Variants in VAC14 observed in about 807,000 individuals in gnomAD.
VAC14 encodes the protein protein VAC14 homolog.
In VAC14, 47 loss-of-function variants were observed where a neutral mutation model predicts 85.3. The ratio of observed to expected loss-of-function variants is 0.55; its 90% CI spans 0.44 to 0.70. The LOEUF is 0.70. Among genes scored for constraint, VAC14 ranks in the 30% least tolerant of loss-of-function variants. The pLI, the probability that VAC14 is intolerant of heterozygous loss-of-function variation, is 0.00. For missense variants in VAC14, 861 were observed against 1,004.3 expected (o/e 0.86, Z 1.93); for synonymous variants, 447 against 430.5 (o/e 1.04, Z -0.47).
intron 10 of VAC14, among the ~76,000 whole-genome samples, chr16:70,767,526 T>A (rs1428843190): frequency 6.6e-6 from 1 of 152,242 alleles, no homozygotes; most frequent in Non-Finnish European, 1.5e-5. Context: ...GAAGACATCA[T>A]GACCCTTGGC....
chr16:70,728,347 A>C (rs1218729514), intron 14 of VAC14, among the ~76,000 whole-genome samples: 1 of 152,180 alleles, frequency 6.6e-6, no homozygotes, highest in East Asian at 1.9e-4. Context: ...CTGCACTCCC[A>C]CACAGAAGGG....
intron 12 of VAC14, among the ~76,000 whole-genome samples, chr16:70,744,872 G>A (rs759594888): frequency 1.3e-5 from 2 of 152,226 alleles, no homozygotes; most frequent in African/African-American, 4.8e-5. Context: ...CGGGTCCCTT[G>A]AACAGGGCTC....
At chr16:70,733,512 T>G (rs1426776805) in intron 13 of VAC14, among the ~76,000 whole-genome samples, 1 of 152,044 alleles carries the variant, frequency 6.6e-6, no homozygotes, top group Non-Finnish European at 1.5e-5. Context: ...AAGTGGGGCC[T>G]GGTGGGAGGT....
At chr16:70,760,889 C>T (rs929342970) in intron 12 of VAC14, among the ~76,000 whole-genome samples, 1 of 151,826 alleles carries the variant, frequency 6.6e-6, no homozygotes, top group Admixed American at 6.6e-5. Flanking sequence ...CAGTGAGTCA[C>T]TCCCAACTCG....
At chr16:70,780,756 CAGG>C in intron 9 of VAC14, 31 bp downstream of exon 9, 1 of 1,539,106 alleles carries the variant, frequency 6.5e-7, no homozygotes, top group Non-Finnish European at 8.8e-7. Flanking sequence ...GGGCCCCCGA[CAGG>C]AGGTGAGGTG....
chr16:70,704,947 C>T (rs1220384865), intron 14 of VAC14, among the ~76,000 whole-genome samples: 1 of 152,208 alleles, frequency 6.6e-6, no homozygotes, highest in Non-Finnish European at 1.5e-5. Flanking sequence ...GATCTCATGT[C>T]CCTGCACCCT....
intron 1 of VAC14, 133 bp from the exon 2 acceptor site, chr16:70,786,498 G>T: frequency 1.6e-6 from 2 of 1,221,172 alleles, no homozygotes; most frequent in Non-Finnish European, 2.3e-6. Flanking sequence ...CTCAGGGCAG[G>T]TCTCAGTTCT....
intron 14 of VAC14, among the ~76,000 whole-genome samples, chr16:70,727,675 G>A (rs1567543380): frequency 6.6e-6 from 1 of 152,240 alleles, no homozygotes; most frequent in Admixed American, 6.5e-5. Flanking sequence ...AGGAGAAAAG[G>A]AAGTGCAATG....
chr16:70,784,761 AC>A lies in VAC14; in HGVS notation c.486+14del. The A allele has an allele frequency of 6.2e-7, 1 of 1,613,074 alleles. No individual in the cohort carries two copies. Among genetic ancestry groups the A allele is most frequent in the Middle Eastern group, 1.6e-4 (1 of 6,062 alleles). ...ACAGATTGTAGAAATAAAAGTGGGG[AC>A]AAAGTACAAATACCTTTAAAAGGCG... On this transcript the variant is annotated intron_variant, in intron 4 of 18. Coordinates refer to ENST00000261776, the MANE Select transcript of VAC14 (RefSeq NM_018052.5).
At chr16:70,771,998 C>A in intron 10 of VAC14, 111 bp downstream of exon 10, 2 of 971,050 alleles carry the variant, frequency 2.1e-6, no homozygotes, top group Non-Finnish European at 3.2e-6. Context: ...GTCCCAAAAG[C>A]AGCAGCCGCG....
chr16:70,706,120 C>T (rs1438886037), intron 14 of VAC14, among the ~76,000 whole-genome samples: 1 of 152,214 alleles, frequency 6.6e-6, no homozygotes, highest in African/African-American at 2.4e-5. Context: ...CTGGTGGGGA[C>T]CCTGCCTGCA....
intron 13 of VAC14, among the ~76,000 whole-genome samples, chr16:70,736,667 A>G (rs760390638): frequency 3.3e-5 from 5 of 152,154 alleles, no homozygotes; most frequent in Non-Finnish European, 5.9e-5. Context: ...TGAGGCCCTT[A>G]GTGGAAGGGA....
At position 70,781,936 on chromosome 16, in the gene VAC14, C is replaced by T; in HGVS notation, c.879G>A (p.Met293Ile). The T allele has an allele frequency of 6.2e-7, 1 of 1,614,176 alleles. No individual in the cohort carries two copies. Among genetic ancestry groups the T allele is most frequent in the Non-Finnish European group, 8.5e-7 (1 of 1,180,040 alleles). Residue 293 changes from methionine (M) to isoleucine (I), a missense_variant, in exon 8 of 19, where the codon ATG (methionine) becomes ATA (isoleucine). Coordinates refer to ENST00000261776, the MANE Select transcript of VAC14 (RefSeq NM_018052.5). The part of the protein sequence containing the change: ...REFIQLAGRV[M>I]LPYSSGILTA... ...TCAGGATCCCGGAGGAGTAAGGCAG[C>T]ATGACGCGGCCCGCCAGCTGGATGA...
Position 70,762,721 on chromosome 16 carries a change from C to T in VAC14, c.1306-116G>A. 6.7e-7 allele frequency: 1 copy of T among 1,489,806 alleles called. No homozygotes were observed. The highest frequency in any genetic ancestry group is 9.2e-7 in the Non-Finnish European group (1 of 1,086,106). The allele number at this position is 1,489,806 out of a possible 1,614,324, so 92.3% of individuals were successfully genotyped here. A position where few individuals can be genotyped will look rare whatever the true frequency, so the allele number is the denominator to read the frequency against. On this transcript the variant is annotated intron_variant, in intron 11 of 18. Coordinates refer to ENST00000261776, the MANE Select transcript of VAC14 (RefSeq NM_018052.5). This position sits in a 1 kb window ranked among gnomAD's most constrained non-coding sequence, Gnocchi z 4.1. ...ACTGGTCTGCACGGACCACTTCCCT[C>T]CCCGACACAATGAGGGCTCCTCGCA...
At chr16:70,800,546 G>C (rs949792068) in intron 1 of VAC14, among the ~76,000 whole-genome samples, 1 of 152,200 alleles carries the variant, frequency 6.6e-6, no homozygotes, top group Non-Finnish European at 1.5e-5. Flanking sequence ...ACCCATACAT[G>C]ATGTCACTTC....
At chr16:70,743,487 G>C (rs1414613715) in intron 13 of VAC14, among the ~76,000 whole-genome samples, 2 of 152,212 alleles carry the variant, frequency 1.3e-5, no homozygotes, top group African/African-American at 4.8e-5. Context: ...TTTAACAGCT[G>C]TAACACTTGC....
At chr16:70,693,766 C>T (rs2142987597) in intron 17 of VAC14, among the ~76,000 whole-genome samples, 1 of 152,370 alleles carries the variant, frequency 6.6e-6, no homozygotes, top group South Asian at 2.1e-4. Flanking sequence ...CTGGCTTCTA[C>T]TTCCTTGTGT....
At position 70,783,522 on chromosome 16, in the gene VAC14, G is replaced by C. The variant is rs751503684; in HGVS notation, c.627C>G (p.Asn209Lys). The change falls in exon 6 of 19, where the codon AAC becomes AAG. Residue 209 changes from asparagine to lysine, a missense_variant. This residue lies in a region of VAC14 where 629 missense variants were observed against 703.1 expected (regional missense o/e 0.89). Coordinates refer to ENST00000261776, the MANE Select transcript of VAC14 (RefSeq NM_018052.5). ...ILVLESVPDI[N>K]LLDYLPEILD... ...GGATCTCCGGCAGGTAATCCAGCAGGTTAATGTCTGGCACCGACTCCAGAA... is the reference window on the plus strand; with the variant it reads ...GGATCTCCGGCAGGTAATCCAGCAGCTTAATGTCTGGCACCGACTCCAGAA... The C allele has an allele frequency of 6.2e-7, 1 of 1,613,894 alleles. No individual in the cohort carries two copies. Among genetic ancestry groups the C allele is most frequent in the East Asian group, 2.2e-5 (1 of 44,900 alleles).
chr16:70,784,264 G>A, intron 4 of VAC14, 44 bp from the exon 5 acceptor site: 1 of 1,560,956 alleles, frequency 6.4e-7, no homozygotes, highest in Non-Finnish European at 8.8e-7. Flanking sequence ...CCGAGACCAG[G>A]GCTGCCTGAC....
Sources: gnomAD v4.1 joint callset for allele counts (sites outside exome capture counted in the v4.1 genomes callset) on GRCh38, gnomAD v4.1.1 for gene constraint, gnomAD v4.1.1 regional missense constraint, Gnocchi (gnomAD v3.1) non-coding constraint, MANE v1.5 for transcripts, NCBI Gene and HGNC (gene_info 2026-07-23, HGNC 2026-07-21) for gene names.